The following ANKRD10 variants were observed in gnomAD, a reference collection of about 807,000 sequenced individuals.
ANKRD10 encodes ankyrin repeat domain-containing protein 10.
Under a neutral mutation model 27.0 loss-of-function variants are expected in ANKRD10, and 14 were observed. That is an observed-to-expected ratio of 0.52 (90% CI 0.34 to 0.81). ANKRD10 has a LOEUF of 0.81. ANKRD10 is among the 40% of genes least tolerant of loss of function. ANKRD10 has a pLI of 0.01. For synonymous variants in ANKRD10, 250 were observed against 224.5 expected (o/e 1.11, Z -1.01); for missense variants, 493 against 544.0 (o/e 0.91, Z 0.93).
intron 3 of ANKRD10, chr13:110,894,918 GA>G (rs1420325663): frequency 2.0e-5 from 3 of 152,094 alleles, no homozygotes; most frequent in African/African-American, 7.2e-5. Flanking sequence ...TATTGAAATA[GA>G]AAATATACTA....
At position 110,880,071 on chromosome 13, in the gene ANKRD10, C is replaced by T; in HGVS notation, c.829G>A (p.Gly277Arg). 6.2e-7 allele frequency: 1 copy of T among 1,614,134 alleles called. No individual in the cohort carries two copies. Among genetic ancestry groups the T allele is most frequent in the Non-Finnish European group, 8.5e-7 (1 of 1,180,024 alleles). ...TCCAAATGTCCATTGATGACACATC[C>T]ATTTGTCAATGTATTCGATACGGAG... ...SSSVSNTLTNGCVINGHLDFP... is the reference protein window; with the variant it reads ...SSSVSNTLTNRCVINGHLDFP... Residue 277 changes from glycine (G) to arginine (R), a missense_variant, in exon 6 of 6, where the codon GGA becomes AGA. Coordinates refer to ENST00000267339, the MANE Select transcript of ANKRD10 (RefSeq NM_017664.4).
chr13:110,893,102 A>G lies in ANKRD10; in HGVS notation c.617T>C (p.Ile206Thr), dbSNP rs1455337941. The change falls in exon 4 of 6, where the codon ATT (isoleucine) becomes ACT (threonine). Residue 206 changes from isoleucine (I) to threonine (T), a missense_variant. By Grantham distance (89) the Ile-to-Thr change is moderately conservative. Coordinates refer to ENST00000267339, the MANE Select transcript of ANKRD10 (RefSeq NM_017664.4). ...TCTCTTTCGATTTGTTCCCACACTA[A>G]TATGATTAGGAAATACATTCTGATG... Reference protein sequence around the residue: ...GGHQNVFPNHISVGTNRKRCL... With the variant: ...GGHQNVFPNHTSVGTNRKRCL... 1 of 1,614,242 alleles carries G rather than the reference A, an allele frequency of 6.2e-7. No individual in the cohort carries two copies. Among genetic ancestry groups the G allele is most frequent in the Non-Finnish European group, 8.5e-7 (1 of 1,180,036 alleles).
chr13:110,881,500 T>C (rs1241413388), intron 5 of ANKRD10, among the ~76,000 whole-genome samples: 5 of 147,872 alleles, frequency 3.4e-5, no homozygotes, highest in Admixed American at 6.9e-5. Flanking sequence ...AGTTTAATAA[T>C]TGCTATAAAT....
At chr13:110,883,277 T>A (rs1171189010) in intron 5 of ANKRD10, 1 of 156,358 alleles carries the variant, frequency 6.4e-6, no homozygotes, top group Admixed American at 6.4e-5. Context: ...AAATATTAAC[T>A]GTAGCATGTT....
chr13:110,892,438 G>GAAAAAAAAA (rs2065105005), intron 4 of ANKRD10, among the ~76,000 whole-genome samples: 2 of 11,092 alleles, frequency 1.8e-4, no homozygotes, highest in African/African-American at 6.6e-4. Context: ...AAAAAAAAAT[G>GAAAAAAAAA]GTGGGAGAAT....
At position 110,893,169 on chromosome 13, in the gene ANKRD10, G is replaced by A; in HGVS notation, c.550C>T (p.His184Tyr). Residue 184 changes from histidine (H) to tyrosine (Y), a missense_variant, in exon 4 of 6, where the codon CAT becomes TAT. Transcript: ENST00000267339. Reference protein sequence around the residue: ...AQFLLNLQNCHLNHFYNNGIL... With the variant: ...AQFLLNLQNCYLNHFYNNGIL... Reference sequence around the variant, plus strand: ...CCATTGTTATAGAAATGGTTCAGATGACAATTCTGGAGGTTCAAGAGAAAC... The same window carrying A: ...CCATTGTTATAGAAATGGTTCAGATAACAATTCTGGAGGTTCAAGAGAAAC... The A allele has an allele frequency of 6.2e-7, 1 of 1,614,164 alleles. No homozygotes were observed. Among genetic ancestry groups the A allele is most frequent in the South Asian group, 1.1e-5 (1 of 91,076 alleles).
chr13:110,903,990 T>C (rs1302199725), intron 3 of ANKRD10: 2 of 152,222 alleles, frequency 1.3e-5, no homozygotes, highest in Non-Finnish European at 2.9e-5. Flanking sequence ...TGTTACACGT[T>C]GGTGGACTAA....
At position 110,878,586 on chromosome 13, in the gene ANKRD10, C is replaced by T. The variant is rs2064754515; in HGVS notation, c.*1051G>A. ...CAATTTGTGAAGGACAGTTTTAGAA[C>T]AAAATGTTAGTAACACTCTTAGAAC... On this transcript the variant is annotated 3_prime_UTR_variant, in exon 6 of 6. Coordinates refer to ENST00000267339, the MANE Select transcript of ANKRD10 (RefSeq NM_017664.4). 1 of 152,266 alleles carries T rather than the reference C, an allele frequency of 6.6e-6. No individual in the cohort carries two copies. Among genetic ancestry groups the T allele is most frequent in the Non-Finnish European group, 1.5e-5 (1 of 68,004 alleles). 9.4% of individuals were successfully genotyped at this position (152,266 alleles called of 1,614,324 possible).
chr13:110,912,432 C>T (rs9555741), intron 1 of ANKRD10, among the ~76,000 whole-genome samples: 150,433 of 152,344 alleles, frequency 0.99, 74,311 homozygotes, highest in East Asian at 1. Flanking sequence ...TTTATTAATT[C>T]ACTGGGTGAA....
intron 5 of ANKRD10, 112 bp downstream of exon 5, chr13:110,883,586 G>T: frequency 6.7e-7 from 1 of 1,490,064 alleles, no homozygotes; most frequent in Non-Finnish European, 9.0e-7. Flanking sequence ...CTGCATTGCT[G>T]ACACAGTATA....
intron 1 of ANKRD10, among the ~76,000 whole-genome samples, chr13:110,911,148 G>A (rs1421631696): frequency 6.6e-6 from 1 of 152,172 alleles, no homozygotes; most frequent in African/African-American, 2.4e-5. Context: ...AGGGATTGGT[G>A]GGTTAAAAAA....
Position 110,883,804 on chromosome 13 carries a change from A to G in ANKRD10, c.692-11T>C. 6.2e-7 allele frequency: 1 copy of G among 1,613,930 alleles called. No individual in the cohort carries two copies. Among genetic ancestry groups the G allele is most frequent in the Non-Finnish European group, 8.5e-7 (1 of 1,179,826 alleles). ...AATCCAAGCTTTGAGCTGCACAGAA[A>G]ACAAAGACTATTTCAGATTCCTTTG... On this transcript the variant is annotated splice_polypyrimidine_tract_variant and intron_variant, in intron 4 of 5. Transcript: ENST00000267339.
In ANKRD10 at chr13:110,879,563, G is replaced by A; in HGVS notation, c.*74C>T. ...CGTACAAGTTGTGACATTCGTTCAA[G>A]TTGCTGCTACATGGGTATTCTGAGC... On this transcript the variant is annotated 3_prime_UTR_variant, in exon 6 of 6. Coordinates refer to ENST00000267339, the MANE Select transcript of ANKRD10 (RefSeq NM_017664.4). 4 of 1,144,038 alleles carry A rather than the reference G, an allele frequency of 3.5e-6. No homozygotes were observed. In the South Asian group the frequency reaches 4.1e-5, roughly 12 times the overall value. 70.9% of individuals were successfully genotyped at this position (1,144,038 alleles called of 1,614,324 possible).
In ANKRD10 at chr13:110,900,503, G is replaced by T. The variant is rs780859928; in HGVS notation, c.455+5530C>A. On this transcript the variant is annotated intron_variant, in intron 3 of 5. Coordinates refer to ENST00000267339, the MANE Select transcript of ANKRD10 (RefSeq NM_017664.4). The stretch of plus-strand genomic sequence containing the variant: ...TCTCTATCTGAATTCCTAGATTAGC[G>T]TTAAAACCAATCACCGCAACAAATA... The T allele has an allele frequency of 3.2e-6, 4 of 1,252,694 alleles. No homozygotes were observed. The African/African-American group carries it at 4.7e-5, about 15-fold the overall frequency. The allele number at this position is 1,252,694 out of a possible 1,614,324, so 77.6% of individuals were successfully genotyped here.
intron 4 of ANKRD10, among the ~76,000 whole-genome samples, chr13:110,887,698 A>G (rs1406653428): frequency 6.6e-6 from 1 of 152,214 alleles, no homozygotes; most frequent in Non-Finnish European, 1.5e-5. Flanking sequence ...GTTTCACCCA[A>G]TGAACTTAGG....
chr13:110,894,364 T>A, intron 3 of ANKRD10: 1 of 138,536 alleles, frequency 7.2e-6, no homozygotes, highest in Non-Finnish European at 1.3e-5. Context: ...AAACAACCAC[T>A]CCAGAACCCT....
chr13:110,910,414 G>A (rs1395464063), intron 2 of ANKRD10, among the ~76,000 whole-genome samples: 1 of 152,182 alleles, frequency 6.6e-6, no homozygotes, highest in Non-Finnish European at 1.5e-5. Flanking sequence ...CACAACAGGT[G>A]AAAGCACTCT....
intron 4 of ANKRD10, among the ~76,000 whole-genome samples, chr13:110,885,233 A>G (rs191488525): frequency 6.6e-6 from 1 of 152,124 alleles, no homozygotes; most frequent in African/African-American, 2.4e-5. Flanking sequence ...GTGTGTAAGC[A>G]GGGCATCTTT....
At position 110,883,806 on chromosome 13, in the gene ANKRD10, C is replaced by T. The variant is rs1409128999; in HGVS notation, c.692-13G>A. ...TCCAAGCTTTGAGCTGCACAGAAAA[C>T]AAAGACTATTTCAGATTCCTTTGTC... On this transcript the variant is annotated splice_polypyrimidine_tract_variant and intron_variant, in intron 4 of 5. Coordinates refer to ENST00000267339, the MANE Select transcript of ANKRD10 (RefSeq NM_017664.4). The T allele has an allele frequency of 6.3e-7, 1 of 1,580,928 alleles. No homozygotes were observed. The highest frequency in any genetic ancestry group is 8.6e-7 in the Non-Finnish European group (1 of 1,159,632).
Sources: gnomAD v4.1 joint callset for allele counts (sites outside exome capture counted in the v4.1 genomes callset) on GRCh38, gnomAD v4.1.1 for gene constraint, MANE v1.5 for transcripts, NCBI Gene and HGNC (gene_info 2026-07-23, HGNC 2026-07-21) for gene names.